KCND2: variants seen among roughly 807,000 people sequenced by gnomAD.
KCND2 encodes potassium voltage-gated channel subfamily D member 2.
In KCND2, 16 loss-of-function variants were observed where a neutral mutation model predicts 54.4. That is an observed-to-expected ratio of 0.29 (90% CI 0.20 to 0.45). The LOEUF is 0.45. KCND2 is among the 20% of genes least tolerant of loss of function. The probability of loss-of-function intolerance (pLI) is 1.00; values close to 1 mark genes in which losing one functional copy is unlikely to be tolerated. For synonymous variants in KCND2, 317 were observed against 310.7 expected, an observed-to-expected ratio of 1.02 and a Z score of -0.21; for missense variants, 486 against 824.2, an observed-to-expected ratio of 0.59 and a Z score of 5.02.
At chr7:120,535,592 C>T (rs1261162773) in intron 1 of KCND2, among the ~76,000 whole-genome samples, 2 of 152,152 alleles carry the variant, frequency 1.3e-5, no homozygotes, top group Admixed American at 6.6e-5. Context: ...AAGCCTGCCT[C>T]CCACTGCTGT....
chr7:120,290,392 A>G (rs953298996), intron 1 of KCND2, among the ~76,000 whole-genome samples: 1 of 152,122 alleles, frequency 6.6e-6, no homozygotes, highest in Middle Eastern at 3.4e-3. Context: ...TGATATGCTG[A>G]TTCATTCCTC....
chr7:120,720,502 A>G (rs937632140), intron 1 of KCND2, among the ~76,000 whole-genome samples: 4 of 152,092 alleles, frequency 2.6e-5, no homozygotes, highest in Non-Finnish European at 4.4e-5. Context: ...TGCATCTCCC[A>G]AGCTGGCTTG....
At chr7:120,600,135 T>C (rs1038682451) in intron 1 of KCND2, among the ~76,000 whole-genome samples, 4 of 151,934 alleles carry the variant, frequency 2.6e-5, no homozygotes, top group African/African-American at 9.7e-5. Context: ...AATCACAAGA[T>C]AAATGTTTCA....
chr7:120,341,395 T>C (rs893055214), intron 1 of KCND2, among the ~76,000 whole-genome samples: 5 of 152,182 alleles, frequency 3.3e-5, no homozygotes, highest in Non-Finnish European at 7.4e-5. Context: ...CAGGTGCAGG[T>C]GTTGAAGAAA....
chr7:120,601,741 A>G (rs1271836717), intron 1 of KCND2, among the ~76,000 whole-genome samples: 1 of 152,156 alleles, frequency 6.6e-6, no homozygotes, highest in Non-Finnish European at 1.5e-5. Flanking sequence ...AGACACCCTG[A>G]CCAATTCTTT....
At chr7:120,652,888 G>T (rs184309732) in intron 1 of KCND2, among the ~76,000 whole-genome samples, 166 of 152,258 alleles carry the variant, frequency 1.1e-3, no homozygotes, top group Non-Finnish European at 1.7e-3. Flanking sequence ...CAGAAACTTT[G>T]TAATTTCCTT....
chr7:120,323,176 G>A (rs1292737104), intron 1 of KCND2, among the ~76,000 whole-genome samples: 2 of 151,984 alleles, frequency 1.3e-5, no homozygotes, highest in Non-Finnish European at 2.9e-5. Flanking sequence ...GCCCTGGTGT[G>A]TGATGTTCTC....
chr7:120,505,574 T>C (rs1410817755), intron 1 of KCND2, among the ~76,000 whole-genome samples: 2 of 151,832 alleles, frequency 1.3e-5, no homozygotes, highest in Admixed American at 6.6e-5. Flanking sequence ...TATCATGTCA[T>C]TGAAAATGCT....
At chr7:120,483,248 G>A (rs147977381) in intron 1 of KCND2, among the ~76,000 whole-genome samples, 1 of 152,258 alleles carries the variant, frequency 6.6e-6, no homozygotes, top group African/African-American at 2.4e-5. Context: ...AAGGTATATG[G>A]CTTTCAACAA....
In KCND2 at chr7:120,275,646, C is replaced by T. The variant is rs781428853; in HGVS notation, c.1014C>T (p.Phe338=). 1.9e-6 allele frequency: 3 copies of T among 1,607,596 alleles called. No homozygotes were observed. The highest frequency in any genetic ancestry group is 2.2e-5 in the East Asian group (1 of 44,852). Residue 338 remains phenylalanine, a synonymous_variant, in exon 1 of 6, where the codon TTC becomes TTT. Coordinates refer to ENST00000331113, the MANE Select transcript of KCND2 (RefSeq NM_012281.3). The part of the protein sequence containing the change: ...LFSLTMAIII[F]ATVMFYAEKG... Reference sequence around the variant, plus strand: ...CGCTCACCATGGCTATCATCATCTTCGCTACAGTTATGTTCTACGCAGAGA... The same window carrying T: ...CGCTCACCATGGCTATCATCATCTTTGCTACAGTTATGTTCTACGCAGAGA...
At chr7:120,395,184 A>G (rs1012305785) in intron 1 of KCND2, among the ~76,000 whole-genome samples, 60 of 152,016 alleles carry the variant, frequency 3.9e-4, no homozygotes, top group Non-Finnish European at 8.8e-5. Flanking sequence ...CAAAATCGTC[A>G]TTGTATGGTA....
chr7:120,612,267 A>G (rs1176977633), intron 1 of KCND2, among the ~76,000 whole-genome samples: 1 of 152,196 alleles, frequency 6.6e-6, no homozygotes. Context: ...TCCAATCCCC[A>G]TGCCCACACA....
chr7:120,680,772 T>G (rs1792129350), intron 1 of KCND2, among the ~76,000 whole-genome samples: 1 of 152,108 alleles, frequency 6.6e-6, no homozygotes, highest in Non-Finnish European at 1.5e-5. Context: ...ATCCCTTCAT[T>G]TTAGAGCACT....
intron 1 of KCND2, among the ~76,000 whole-genome samples, chr7:120,504,476 A>C (rs559014087): frequency 4.6e-5 from 7 of 151,952 alleles, no homozygotes; most frequent in African/African-American, 1.4e-4. Flanking sequence ...TAAATACCTA[A>C]ATTTACAATG....
intron 1 of KCND2, among the ~76,000 whole-genome samples, chr7:120,448,990 A>G (rs1203714134): frequency 1.3e-5 from 2 of 152,268 alleles, no homozygotes; most frequent in East Asian, 1.9e-4. Context: ...CATGAACTCT[A>G]CCAGCTCCCT....
intron 1 of KCND2, among the ~76,000 whole-genome samples, chr7:120,721,704 C>G (rs191934005): frequency 6.6e-6 from 1 of 152,166 alleles, no homozygotes; most frequent in Admixed American, 6.5e-5. Flanking sequence ...ACTTAAAGAA[C>G]TTTGGAATCG....
Position 120,274,964 on chromosome 7 carries a change from G to T in KCND2, c.332G>T (p.Cys111Phe). Residue 111 changes from cysteine (C) to phenylalanine (F), a missense_variant, in exon 1 of 6, where the codon TGC becomes TTC. By Grantham distance (205) the Cys-to-Phe change is radical. This residue lies in a region of KCND2 where 231 missense variants were observed against 386.0 expected (regional missense o/e 0.60). Transcript: ENST00000331113. ...AAGCTCCACTATCCTCGCCACGAGT[G>T]CATCTCTGCTTACGATGAAGAACTG... ...TGKLHYPRHECISAYDEELAF... is the reference protein window; with the variant it reads ...TGKLHYPRHEFISAYDEELAF... 1 of 1,614,108 alleles carries T rather than the reference G, an allele frequency of 6.2e-7. No individual in the cohort carries two copies. Among genetic ancestry groups the T allele is most frequent in the African/African-American group, 1.3e-5 (1 of 75,054 alleles).
rs12538840 is a variant in KCND2, at chr7:120,665,596, A to G, written c.1116-67307A>G. ...TTGTGTATGCCTGTGGACTGGTAGC[A>G]ATAAAAACAACATAAAATTAGTTAA... is the stretch of plus-strand genomic sequence containing the variant. On this transcript the variant is annotated intron_variant, in intron 1 of 5. Transcript: ENST00000331113. Among the ~76,000 whole-genome samples, 186 of 152,150 alleles carry G rather than the reference A, an allele frequency of 1.2e-3. 1 individual carries two copies. Among genetic ancestry groups the G allele is most frequent in the African/African-American group, 4.3e-3 (178 of 41,548 alleles).
intron 1 of KCND2, among the ~76,000 whole-genome samples, chr7:120,718,968 C>CA (rs1477936006): frequency 2.6e-5 from 4 of 152,070 alleles, no homozygotes; most frequent in African/African-American, 9.7e-5. Flanking sequence ...TTCTTTCCTT[C>CA]ACTGGAAGAT....
Sources: gnomAD v4.1 joint callset for allele counts (sites outside exome capture counted in the v4.1 genomes callset) on GRCh38, gnomAD v4.1.1 for gene constraint, gnomAD v4.1.1 regional missense constraint, MANE v1.5 for transcripts, NCBI Gene and HGNC (gene_info 2026-07-23, HGNC 2026-07-21) for gene names.